Variants in TMEM272 observed in about 807,000 individuals in gnomAD.
TMEM272 encodes the protein long intergenic non-protein coding RNA 282.
In TMEM272, 8 loss-of-function variants were observed where a neutral mutation model predicts 3.7. That is an observed-to-expected ratio of 2.17 (90% CI 1.27 to 3.91). The LOEUF (loss-of-function observed/expected upper bound fraction) is 3.91, where lower values mean the gene tolerates loss of function less well. Ranked by LOEUF, TMEM272 falls within the 30% of genes most tolerant of loss-of-function variation. The pLI is 0.00. For synonymous variants in TMEM272, 63 were observed against 39.8 expected, an observed-to-expected ratio of 1.58 and a Z score of -2.20; for missense variants, 166 against 91.5, an observed-to-expected ratio of 1.81 and a Z score of -3.32.
the TMEM272 span, among the ~76,000 whole-genome samples, chr13:51,866,591 C>T: frequency 5.3e-5 from 8 of 152,300 alleles, 1 homozygote; most frequent in East Asian, 1.5e-3. Flanking sequence ...CCTCTTCCTC[C>T]TCTGGTAGGG....
chr13:51,870,950 T>C, the TMEM272 span, among the ~76,000 whole-genome samples: 5 of 152,208 alleles, frequency 3.3e-5, no homozygotes, highest in African/African-American at 1.2e-4. Context: ...AGATATCAGA[T>C]ATTGCAGAAG....
the TMEM272 span, among the ~76,000 whole-genome samples, chr13:51,915,458 C>G: frequency 1.3e-5 from 2 of 152,180 alleles, no homozygotes; most frequent in African/African-American, 4.8e-5. Context: ...CAAGAGAGAC[C>G]TTTGTTGATG....
the TMEM272 span, among the ~76,000 whole-genome samples, chr13:51,896,796 G>A: frequency 6.6e-6 from 1 of 152,192 alleles, no homozygotes; most frequent in African/African-American, 2.4e-5. Context: ...GGTCTCAGTT[G>A]GTCATGTGCT....
chr13:51,878,048 C>A, the TMEM272 span, among the ~76,000 whole-genome samples: 2 of 152,178 alleles, frequency 1.3e-5, no homozygotes, highest in African/African-American at 2.4e-5. Flanking sequence ...AGGAAACTTA[C>A]AATCATGGCA....
the TMEM272 span, chr13:51,910,024 TC>T: frequency 2.7e-6 from 4 of 1,482,612 alleles, no homozygotes; most frequent in Middle Eastern, 3.5e-4. Context: ...TTTTCTTCAT[TC>T]ATTTGAAATC....
the TMEM272 span, among the ~76,000 whole-genome samples, chr13:51,873,414 C>T: frequency 1.3e-5 from 2 of 152,172 alleles, no homozygotes; most frequent in Non-Finnish European, 2.9e-5. Flanking sequence ...GAAATCTGCT[C>T]ATTTTTTAGT....
upstream of TMEM272, among the ~76,000 whole-genome samples, chr13:51,845,818 T>C (rs912163340): frequency 3.9e-5 from 6 of 152,236 alleles, no homozygotes; most frequent in Admixed American, 1.3e-4. Context: ...CTCCCAAAGA[T>C]TCTCAATCTG....
the TMEM272 span, chr13:51,910,609 T>A: frequency 1.7e-6 from 1 of 604,460 alleles, no homozygotes; most frequent in African/African-American, 1.8e-5. Flanking sequence ...GGGGTAGCCC[T>A]AGGCTCCTCC....
the TMEM272 span, among the ~76,000 whole-genome samples, chr13:51,870,311 T>C: frequency 2.0e-5 from 3 of 152,196 alleles, no homozygotes; most frequent in Non-Finnish European, 4.4e-5. Context: ...TTAGGATAAA[T>C]TAAAAATACA....
At chr13:51,858,871 C>T in the TMEM272 span, among the ~76,000 whole-genome samples, 1 of 152,116 alleles carries the variant, frequency 6.6e-6, no homozygotes, top group Non-Finnish European at 1.5e-5. Context: ...GAGAACTTCT[C>T]GAGGTCCCGC....
intron 2 of TMEM272, among the ~76,000 whole-genome samples, chr13:51,836,806 A>G (rs1956220216): frequency 1.3e-5 from 2 of 149,896 alleles, no homozygotes; most frequent in African/African-American, 5.1e-5. Context: ...TGGAAGGCCC[A>G]GGGGGAAAAC....
the TMEM272 span, among the ~76,000 whole-genome samples, chr13:51,925,371 G>A: frequency 6.6e-6 from 1 of 152,148 alleles, no homozygotes; most frequent in South Asian, 2.1e-4. Flanking sequence ...AAGTACTGCC[G>A]GTGAGCACTT....
chr13:51,929,010 A>C, the TMEM272 span, among the ~76,000 whole-genome samples: 5 of 152,224 alleles, frequency 3.3e-5, no homozygotes, highest in Non-Finnish European at 7.3e-5. Context: ...CATCCTGACC[A>C]ACATGGTTAA....
rs373758770 is a variant in TMEM272, at chr13:51,826,609, C to T, written c.75G>A (p.Val25=). ...KIASNACFVV[V]LCAFLALPLS... Reference sequence around the variant, plus strand: ...GCGGCAGAGCCAGGAAAGCACAGAGCACAACAACGAAGCAGGCTGCAAGGA... The same window carrying T: ...GCGGCAGAGCCAGGAAAGCACAGAGTACAACAACGAAGCAGGCTGCAAGGA... The change falls in exon 3 of 5, where the codon GTG becomes GTA. Residue 25 remains valine (V), a synonymous_variant. Coordinates refer to ENST00000629372, the MANE Select transcript of TMEM272 (RefSeq NM_001351003.2). The T allele has an allele frequency of 1.9e-4, 137 of 702,568 alleles. 1 individual carries two copies. In the Middle Eastern group the frequency reaches 2.5e-3, roughly 13 times the overall value. The allele number at this position is 702,568 out of a possible 1,614,324, so 43.5% of individuals were successfully genotyped here. A position where few individuals can be genotyped will look rare whatever the true frequency, so the allele number is the denominator to read the frequency against.
At chr13:51,865,681 G>C in the TMEM272 span, 1 of 1,614,172 alleles carries the variant, frequency 6.2e-7, no homozygotes, top group Non-Finnish European at 8.5e-7. Flanking sequence ...AAACCTTCTG[G>C]AAAGAGGAAA....
the TMEM272 span, among the ~76,000 whole-genome samples, chr13:51,913,412 G>C: frequency 6.6e-6 from 1 of 152,210 alleles, no homozygotes; most frequent in African/African-American, 2.4e-5. Context: ...CAATGCAGCA[G>C]AATGAACCTC....
At chr13:51,864,404 G>A in the TMEM272 span, among the ~76,000 whole-genome samples, 1 of 152,108 alleles carries the variant, frequency 6.6e-6, no homozygotes, top group African/African-American at 2.4e-5. Flanking sequence ...TCACTTCCTT[G>A]CTTTTCTCTT....
At chr13:51,901,644 C>T in the TMEM272 span, among the ~76,000 whole-genome samples, 1 of 152,122 alleles carries the variant, frequency 6.6e-6, no homozygotes, top group South Asian at 2.1e-4. Context: ...TTCTGCCCTC[C>T]CCCAGTGCCC....
intron 2 of TMEM272, among the ~76,000 whole-genome samples, chr13:51,828,190 A>G (rs148439292): frequency 1.6e-4 from 25 of 152,362 alleles, no homozygotes; most frequent in African/African-American, 5.8e-4. Flanking sequence ...CCCCTTTATT[A>G]CTTTAGCCAG....
Sources: gnomAD v4.1 joint callset for allele counts (sites outside exome capture counted in the v4.1 genomes callset) on GRCh38, gnomAD v4.1.1 for gene constraint, MANE v1.5 for transcripts, NCBI Gene and HGNC (gene_info 2026-07-23, HGNC 2026-07-21) for gene names.